MEIS2: variants seen among roughly 807,000 people sequenced by gnomAD.
The protein encoded by MEIS2 is homeobox protein Meis2.
A neutral mutation model predicts 58.6 loss-of-function variants in MEIS2; 9 were observed. The observed-to-expected ratio is 0.15, with a 90% CI of 0.09 to 0.27. The LOEUF is 0.27. Among genes scored for constraint, MEIS2 ranks in the 10% least tolerant of loss-of-function variants. The probability of loss-of-function intolerance (pLI) is 1.00; values close to 1 mark genes in which losing one functional copy is unlikely to be tolerated. For missense variants in MEIS2, 427 were observed against 635.0 expected, an observed-to-expected ratio of 0.67 and a Z score of 3.52; for synonymous variants, 221 against 228.4, an observed-to-expected ratio of 0.97 and a Z score of 0.29.
At chr15:36,978,556 T>C (rs75614449) in intron 8 of MEIS2, among the ~76,000 whole-genome samples, 2,814 of 152,278 alleles carry the variant, frequency 0.018, 102 homozygotes, top group African/African-American at 0.063. Flanking sequence ...TAATGAAGGT[T>C]TACTGTAGAA....
At chr15:36,948,466 G>T (rs1263630969) in intron 9 of MEIS2, among the ~76,000 whole-genome samples, 1 of 151,852 alleles carries the variant, frequency 6.6e-6, no homozygotes, top group Non-Finnish European at 1.5e-5. Flanking sequence ...TGGATGATAA[G>T]GAACAGTATT....
intron 2 of MEIS2, 176 bp from the exon 3 acceptor site, chr15:37,096,606 G>GA: frequency 1.4e-6 from 1 of 694,738 alleles, no homozygotes; most frequent in Non-Finnish European, 2.2e-6. Context: ...AACAGAAAGG[G>GA]AAAAGGGCCT....
intron 9 of MEIS2, among the ~76,000 whole-genome samples, chr15:36,941,129 A>G (rs2058359370): frequency 6.6e-6 from 1 of 152,152 alleles, no homozygotes. Flanking sequence ...GGAAACCTGC[A>G]ATGAGCAAAG....
chr15:37,010,212 C>G (rs1355721879), intron 8 of MEIS2, among the ~76,000 whole-genome samples: 6 of 151,724 alleles, frequency 4.0e-5, no homozygotes, highest in African/African-American at 1.5e-4. Context: ...CTCAGCCTCC[C>G]GAGTAGCTGG....
Position 36,891,890 on chromosome 15 carries a change from T to C in MEIS2, c.*283A>G. 1 of 456,882 alleles carries C rather than the reference T, an allele frequency of 2.2e-6. No individual in the cohort carries two copies. Among genetic ancestry groups the C allele is most frequent in the South Asian group, 3.2e-5 (1 of 31,088 alleles). The allele number at this position is 456,882 out of a possible 1,614,324, so 28.3% of individuals were successfully genotyped here. On this transcript the variant is annotated 3_prime_UTR_variant, in exon 12 of 12. Transcript: ENST00000561208. ...AACATAACGGCGTGATCAACAGAAA[T>C]GTACAAGTTTAACTTAGTTCCTATA...
At chr15:37,019,100 AAGAG>A (rs58137757) in intron 8 of MEIS2, among the ~76,000 whole-genome samples, 74,336 of 151,676 alleles carry the variant, frequency 0.49, 19,271 homozygotes, top group East Asian at 0.71. Flanking sequence ...AACCTTGTTC[AAGAG>A]AGATAGACTG....
At position 36,956,206 on chromosome 15, in the gene MEIS2, A is replaced by AT. The variant is rs1157720421; in HGVS notation, c.901-5807_901-5806insA. Among the ~76,000 whole-genome samples the AT allele has an allele frequency of 2.4e-3, 366 of 149,886 alleles. 1 individual carries two copies. The highest frequency in any genetic ancestry group is 8.5e-3 in the African/African-American group (348 of 40,952). On this transcript the variant is annotated intron_variant, in intron 8 of 11. Coordinates refer to ENST00000561208, the MANE Select transcript of MEIS2 (RefSeq NM_170675.5). The stretch of plus-strand genomic sequence containing the variant: ...TCCATCTCAAAAAAAAAAAAAAAAA[A>AT]AAAAGAGTCCAAAGATTTTTGGACA...
chr15:37,055,031 G>A (rs2063080080), intron 7 of MEIS2, among the ~76,000 whole-genome samples: 1 of 152,208 alleles, frequency 6.6e-6, no homozygotes, highest in Middle Eastern at 3.4e-3. Context: ...TCCACATGAA[G>A]AAACTAAGGC....
chr15:37,093,236 AC>A (rs1893764048), intron 6 of MEIS2, among the ~76,000 whole-genome samples: 1 of 152,224 alleles, frequency 6.6e-6, no homozygotes, highest in Non-Finnish European at 1.5e-5. Flanking sequence ...TCCCTGCTGC[AC>A]TGATTACACA....
intron 8 of MEIS2, among the ~76,000 whole-genome samples, chr15:36,984,353 A>G (rs937295332): frequency 1.3e-5 from 2 of 152,046 alleles, no homozygotes; most frequent in Non-Finnish European, 2.9e-5. Flanking sequence ...AGATGATCAT[A>G]TGATTTTTAT....
At chr15:37,094,441 A>T in intron 5 of MEIS2, 86 bp downstream of exon 5, 1 of 1,318,432 alleles carries the variant, frequency 7.6e-7, no homozygotes, top group Non-Finnish European at 1.1e-6. Flanking sequence ...TCAATCCCTC[A>T]CACTAGAGGT....
chr15:36,947,466 G>A lies in MEIS2; in HGVS notation c.977+2858C>T, dbSNP rs148616069. Reference sequence around the variant, plus strand: ...TTATTGCTCTCATCAAGTGCGTGAAGCCATGTTCCATCGCTTGTTACTACA... The same window carrying A: ...TTATTGCTCTCATCAAGTGCGTGAAACCATGTTCCATCGCTTGTTACTACA... On this transcript the variant is annotated intron_variant, in intron 9 of 11. Transcript: ENST00000561208. Among the ~76,000 whole-genome samples, 572 of 152,066 alleles carry A rather than the reference G, an allele frequency of 3.8e-3. 10 individuals are homozygous for A. Among genetic ancestry groups the A allele is most frequent in the East Asian group, 0.032 (168 of 5,172 alleles).
chr15:37,059,893 A>T (rs1318826573), intron 7 of MEIS2, among the ~76,000 whole-genome samples: 1 of 151,812 alleles, frequency 6.6e-6, no homozygotes, highest in Non-Finnish European at 1.5e-5. Flanking sequence ...GTTTGCTGAG[A>T]TCATGCCACT....
intron 9 of MEIS2, among the ~76,000 whole-genome samples, chr15:36,909,498 A>G (rs118125918): frequency 0.014 from 2,139 of 152,288 alleles, 27 homozygotes; most frequent in Non-Finnish European, 0.02. Context: ...TTCTCATTTT[A>G]TAAGAGGCAC....
At chr15:37,058,024 A>C (rs967670935) in intron 7 of MEIS2, among the ~76,000 whole-genome samples, 2 of 152,200 alleles carry the variant, frequency 1.3e-5, no homozygotes, top group Non-Finnish European at 2.9e-5. Flanking sequence ...GTTGGTGAGT[A>C]AAACAAGCAC....
At chr15:36,930,219 A>AAAG (rs1299486106) in intron 9 of MEIS2, among the ~76,000 whole-genome samples, 5 of 148,134 alleles carry the variant, frequency 3.4e-5, no homozygotes, top group African/African-American at 1.2e-4. Flanking sequence ...AAAAAAAAAA[A>AAAG]AGAGAGAGAG....
At chr15:36,971,106 G>T (rs186825891) in intron 8 of MEIS2, among the ~76,000 whole-genome samples, 2 of 151,896 alleles carry the variant, frequency 1.3e-5, no homozygotes, top group African/African-American at 4.8e-5. Flanking sequence ...GTGGGCTTGG[G>T]GGGGTGGGGG....
chr15:36,950,092 G>A (rs1469116322), intron 9 of MEIS2, among the ~76,000 whole-genome samples: 1 of 151,796 alleles, frequency 6.6e-6, no homozygotes, highest in East Asian at 1.9e-4. Flanking sequence ...TAGAGAAGAA[G>A]AGAAAAGAAA....
chr15:36,998,104 C>T (rs1023828446), intron 8 of MEIS2, among the ~76,000 whole-genome samples: 1 of 152,126 alleles, frequency 6.6e-6, no homozygotes, highest in Non-Finnish European at 1.5e-5. Context: ...CCATTTTCCT[C>T]ACGACGGGCT....
Sources: allele counts gnomAD v4.1 joint callset (sites outside exome capture counted in the v4.1 genomes callset), GRCh38; gene constraint gnomAD v4.1.1; transcripts MANE v1.5; gene names NCBI Gene and HGNC (gene_info 2026-07-23, HGNC 2026-07-21).